The following CCR5AS variants were observed in gnomAD, a reference collection of about 807,000 sequenced individuals.
CCR5AS encodes the protein CCR5 antisense RNA.
intron 2 of CCR5AS, among the ~76,000 whole-genome samples, chr3:46,379,087 T>C (rs568705276): frequency 9.3e-5 from 14 of 150,940 alleles, no homozygotes; most frequent in Non-Finnish European, 1.8e-4. Flanking sequence ...TAGTTACATA[T>C]GTATACATGT....
Position 46,381,997 on chromosome 3 carries a change from C to G in CCR5AS, n.392-10580G>C, listed in dbSNP as rs546043928. ...TCAGAGAGTCCTCGGTAAGATTTGC[C>G]TTTTAACAAAAAGCAGCCCCAAAAT... On this transcript the variant is annotated intron_variant and non_coding_transcript_variant, in intron 2 of 3. Coordinates refer to ENST00000451485, the Ensembl canonical transcript of CCR5AS. Among the ~76,000 whole-genome samples, 5 of 152,320 alleles carry G rather than the reference C, an allele frequency of 3.3e-5. No homozygotes were observed. The South Asian group carries it at 1.0e-3, about 32-fold the overall frequency.
At chr3:46,373,178 C>A in intron 2 of CCR5AS, 1 of 1,614,178 alleles carries the variant, frequency 6.2e-7, no homozygotes, top group Non-Finnish European at 8.5e-7. Context: ...ATGCTGCCGC[C>A]CAGTGGGACT....
At chr3:46,372,963 C>CA (rs780235820) in intron 2 of CCR5AS, 21 of 1,612,828 alleles carry the variant, frequency 1.3e-5, no homozygotes, top group Non-Finnish European at 1.7e-5. Flanking sequence ...GGAGCCCTGC[C>CA]AAAAAATCAA....
chr3:46,398,568 G>A (rs1287617708), intron 1 of CCR5AS, among the ~76,000 whole-genome samples: 1 of 152,138 alleles, frequency 6.6e-6, no homozygotes, highest in African/African-American at 2.4e-5. Context: ...ATATACAAGG[G>A]TGTCTTACTC....
At chr3:46,373,536 A>G in intron 2 of CCR5AS, 5 of 1,613,350 alleles carry the variant, frequency 3.1e-6, no homozygotes, top group Non-Finnish European at 4.2e-6. Context: ...TGTCATGGTC[A>G]TCTGCTACTC....
chr3:46,370,693 C>T (rs557149889), intron 3 of CCR5AS, among the ~76,000 whole-genome samples: 31 of 152,200 alleles, frequency 2.0e-4, no homozygotes, highest in Middle Eastern at 3.4e-3. Flanking sequence ...TTTATATTTT[C>T]TAACAGATTC....
At position 46,373,019 on chromosome 3, in the gene CCR5AS, G is replaced by T. The variant is rs746899041; in HGVS notation, n.392-1602C>A. 6 of 1,614,126 alleles carry T rather than the reference G, an allele frequency of 3.7e-6. No homozygotes were observed. In the South Asian group the frequency reaches 6.6e-5, roughly 18 times the overall value. On this transcript the variant is annotated intron_variant and non_coding_transcript_variant, in intron 2 of 3. Coordinates refer to ENST00000451485, the Ensembl canonical transcript of CCR5AS. Reference sequence around the variant, plus strand: ...GCCTCCTGCCTCCGCTCTACTCACTGGTGTTCATCTTTGGTTTTGTGGGCA... The same window carrying T: ...GCCTCCTGCCTCCGCTCTACTCACTTGTGTTCATCTTTGGTTTTGTGGGCA...
chr3:46,399,815 G>A (rs961547304), intron 1 of CCR5AS, among the ~76,000 whole-genome samples: 3 of 152,146 alleles, frequency 2.0e-5, no homozygotes, highest in Non-Finnish European at 2.9e-5. Context: ...TCATTAGAAC[G>A]GGGGTGAAGA....
chr3:46,387,353 T>A (rs974121633), intron 2 of CCR5AS, among the ~76,000 whole-genome samples: 2 of 152,224 alleles, frequency 1.3e-5, no homozygotes, highest in Admixed American at 6.5e-5. Flanking sequence ...TTCTTTCCTA[T>A]GACCAATGCC....
chr3:46,374,108 G>A, intron 2 of CCR5AS: 1 of 506,292 alleles, frequency 2.0e-6, no homozygotes, highest in Non-Finnish European at 3.5e-6. Flanking sequence ...CCATTTATTT[G>A]GCATCTGTTT....
In CCR5AS at chr3:46,371,488, TG is replaced by T. The variant is rs1301934412; in HGVS notation, n.392-72del. 5.9e-5 allele frequency: 9 copies of T among 152,342 alleles called. No homozygotes were observed. In the South Asian group the frequency reaches 8.3e-4, roughly 14 times the overall value. The allele number at this position is 152,342 out of a possible 1,614,324, so 9.4% of individuals were successfully genotyped here. On this transcript the variant is annotated intron_variant and non_coding_transcript_variant, in intron 2 of 3. Coordinates refer to ENST00000451485, the Ensembl canonical transcript of CCR5AS. ...ATTTTCCTCTAATATATCAGTTTCA[TG>T]GCACAGTTAGTATATAATTCTTTAT...
In CCR5AS at chr3:46,383,671, G is replaced by A. The variant is rs561546342; in HGVS notation, n.391+9154C>T. Among the ~76,000 whole-genome samples, 14 of 152,202 alleles carry A rather than the reference G, an allele frequency of 9.2e-5. No individual in the cohort carries two copies. The South Asian group carries it at 1.2e-3, about 14-fold the overall frequency. ...GGGATGGGAAGTGTTTCCTCCAGCC[G>A]TCCTCTGAGAAGGAGAGGAAACTGG... is the stretch of plus-strand genomic sequence containing the variant. On this transcript the variant is annotated intron_variant and non_coding_transcript_variant, in intron 2 of 3. Coordinates refer to ENST00000451485, the Ensembl canonical transcript of CCR5AS.
At chr3:46,373,644 T>C (rs772496200) in intron 2 of CCR5AS, 1 of 1,614,184 alleles carries the variant, frequency 6.2e-7, no homozygotes, top group Non-Finnish European at 8.5e-7. Context: ...TTTTCTCTTC[T>C]GGGCTCCCTA....
chr3:46,403,183 A>G (rs113852745), intron 1 of CCR5AS, among the ~76,000 whole-genome samples: 5 of 152,302 alleles, frequency 3.3e-5, no homozygotes, highest in African/African-American at 9.6e-5. Context: ...GCTACTGTGA[A>G]TAGTGCTGCA....
chr3:46,375,578 C>T (rs41442546), intron 2 of CCR5AS: 1 of 165,878 alleles, frequency 6.0e-6, no homozygotes, highest in African/African-American at 2.4e-5. Flanking sequence ...GGGGAAGGGA[C>T]ATATTCATTT....
At chr3:46,369,114 C>T (rs772246467) in intron 3 of CCR5AS, among the ~76,000 whole-genome samples, 2 of 152,222 alleles carry the variant, frequency 1.3e-5, no homozygotes, top group Non-Finnish European at 1.5e-5. Context: ...AACAGTCCCC[C>T]GAGGGTGGGT....
At chr3:46,370,514 A>G (rs41339446) in intron 3 of CCR5AS, among the ~76,000 whole-genome samples, 66 of 152,330 alleles carry the variant, frequency 4.3e-4, no homozygotes, top group African/African-American at 1.5e-3. Flanking sequence ...TTTAATTAAT[A>G]GCAACTCTTA....
intron 3 of CCR5AS, among the ~76,000 whole-genome samples, chr3:46,367,837 G>C (rs1701614627): frequency 6.6e-6 from 1 of 152,216 alleles, no homozygotes; most frequent in Non-Finnish European, 1.5e-5. Flanking sequence ...TTCCCAAAGT[G>C]CTGGGATTAT....
intron 2 of CCR5AS, among the ~76,000 whole-genome samples, chr3:46,376,740 G>A (rs538561382): frequency 9.9e-5 from 15 of 152,102 alleles, no homozygotes; most frequent in South Asian, 2.1e-4. Flanking sequence ...TTATGTGCAC[G>A]AGTCTCTTAC....
Sources: gnomAD v4.1 joint callset for allele counts (sites outside exome capture counted in the v4.1 genomes callset) on GRCh38, gnomAD v4.1.1 for gene constraint, MANE v1.5 for transcripts, NCBI Gene and HGNC (gene_info 2026-07-23, HGNC 2026-07-21) for gene names.